PCDHA4: variants seen among roughly 807,000 people sequenced by gnomAD.
PCDHA4 encodes the protein protocadherin alpha 4, also known as protocadherin alpha-4.
In PCDHA4, 49 loss-of-function variants were observed where a neutral mutation model predicts 61.4. That is an observed-to-expected ratio of 0.80 (90% CI 0.63 to 1.01). PCDHA4 has a LOEUF of 1.01. Among genes scored for constraint, PCDHA4 ranks in the 50% least tolerant of loss-of-function variants. The pLI, the probability that PCDHA4 is intolerant of heterozygous loss-of-function variation, is 0.00. For synonymous variants in PCDHA4, 590 were observed against 550.3 expected (o/e 1.07, Z -1.01); for missense variants, 1,254 against 1,235.8 (o/e 1.01, Z -0.22).
intron 1 of PCDHA4, chr5:140,829,701 C>T: frequency 1.2e-6 from 2 of 1,613,356 alleles, no homozygotes; most frequent in South Asian, 1.1e-5. Flanking sequence ...CAGGTGAGCG[C>T]GCGCGACGCG....
At chr5:140,837,816 A>G (rs1775270589) in intron 1 of PCDHA4, among the ~76,000 whole-genome samples, 1 of 151,680 alleles carries the variant, frequency 6.6e-6, no homozygotes, top group Non-Finnish European at 1.5e-5. Flanking sequence ...AGCTGGGAAT[A>G]CAGTTTGCAT....
At position 141,010,091 on chromosome 5, in the gene PCDHA4, A is replaced by G; in HGVS notation, c.*154A>G. The G allele has an allele frequency of 6.2e-7, 1 of 1,612,860 alleles. No individual in the cohort carries two copies. The highest frequency in any genetic ancestry group is 8.5e-7 in the Non-Finnish European group (1 of 1,179,382). ...AGTTCCCTGTGTCTGTCTAGAACGCATTTAACAGGTTTTGTCGTAAAAGCT... is the reference window on the plus strand; with the variant it reads ...AGTTCCCTGTGTCTGTCTAGAACGCGTTTAACAGGTTTTGTCGTAAAAGCT... On this transcript the variant is annotated 3_prime_UTR_variant, in exon 4 of 4. Coordinates refer to ENST00000530339, the MANE Select transcript of PCDHA4 (RefSeq NM_018907.4).
At chr5:140,993,668 A>G (rs551356894) in intron 3 of PCDHA4, among the ~76,000 whole-genome samples, 167 of 152,322 alleles carry the variant, frequency 1.1e-3, no homozygotes, top group African/African-American at 3.4e-3. Context: ...ACAATGGACC[A>G]CATATGTGAC....
rs2150264358 is a variant in PCDHA4 at position 140,836,572 on chromosome 5, G to A, written c.2385+27000G>A. On this transcript the variant is annotated intron_variant, in intron 1 of 3. Transcript: ENST00000530339. ...CGGTGCTCAGCGCCGTCCTCTGAGG[G>A]CGCATGTAGTTTGGTAAAGCCCACT... is the stretch of plus-strand genomic sequence containing the variant. The A allele has an allele frequency of 1.9e-6, 3 of 1,613,740 alleles. No homozygotes were observed. The highest frequency in any genetic ancestry group is 4.5e-5 in the East Asian group (2 of 44,838).
intron 1 of PCDHA4, among the ~76,000 whole-genome samples, chr5:140,937,861 G>A (rs1159207693): frequency 6.6e-6 from 1 of 150,994 alleles, no homozygotes; most frequent in African/African-American, 2.4e-5. Context: ...GGAGTGAGCC[G>A]AGATCGCGCC....
intron 1 of PCDHA4, chr5:140,829,291 C>T (rs1224318047): frequency 9.3e-6 from 15 of 1,614,130 alleles, no homozygotes; most frequent in Middle Eastern, 1.6e-4. Context: ...TGGTGTCCAC[C>T]TTCAAGAATT....
At chr5:140,922,841 A>G (rs982832745) in intron 1 of PCDHA4, among the ~76,000 whole-genome samples, 67 of 152,372 alleles carry the variant, frequency 4.4e-4, no homozygotes, top group African/African-American at 1.5e-3. Flanking sequence ...GATGTCCTCA[A>G]AGAGACCAAA....
At chr5:140,875,921 C>T (rs782082764) in intron 1 of PCDHA4, 57 of 1,614,110 alleles carry the variant, frequency 3.5e-5, no homozygotes, top group Non-Finnish European at 4.8e-5. Context: ...CCTCTGGACT[C>T]TCATTTTCCT....
At chr5:140,995,687 G>C (rs983290111) in intron 3 of PCDHA4, among the ~76,000 whole-genome samples, 3 of 152,062 alleles carry the variant, frequency 2.0e-5, no homozygotes, top group Admixed American at 6.5e-5. Context: ...TTTTTTAATT[G>C]TTAAATAAAG....
intron 1 of PCDHA4, among the ~76,000 whole-genome samples, chr5:140,947,597 G>A (rs1231530518): frequency 1.3e-5 from 2 of 151,586 alleles, no homozygotes; most frequent in African/African-American, 4.8e-5. Context: ...TCAATTTAGG[G>A]AAGATTTGGT....
rs1383347742 is a variant in PCDHA4, at chr5:140,943,271, AAAAAAAG to A, written c.2386-35674_2386-35668del. ...AGACTCTGTCTCAAAAAAAAAAAAA[AAAAAAAG>A]AAAGAAAGAATTAAATTTTGGGAAG... On this transcript the variant is annotated intron_variant, in intron 1 of 3. Transcript: ENST00000530339. Among the ~76,000 whole-genome samples, 73 of 150,734 alleles carry A rather than the reference AAAAAAAG, an allele frequency of 4.8e-4. 1 individual carries two copies. The highest frequency in any genetic ancestry group is 1.6e-3 in the African/African-American group (65 of 40,848).
At chr5:140,850,455 C>T (rs2150484906) in intron 1 of PCDHA4, 1 of 1,597,620 alleles carries the variant, frequency 6.3e-7, no homozygotes, top group Admixed American at 1.7e-5. Context: ...GGTGAAAGAC[C>T]ACGGGGAGCC....
chr5:140,840,891 T>G (rs921088657), intron 1 of PCDHA4, among the ~76,000 whole-genome samples: 2 of 152,014 alleles, frequency 1.3e-5, no homozygotes, highest in Non-Finnish European at 2.9e-5. Flanking sequence ...CTGATATCCA[T>G]GACATACAGG....
At chr5:140,826,923 T>C (rs944702059) in intron 1 of PCDHA4, among the ~76,000 whole-genome samples, 3 of 152,076 alleles carry the variant, frequency 2.0e-5, no homozygotes, top group Non-Finnish European at 4.4e-5. Context: ...GAAAGACAGA[T>C]GGACTTAGGT....
chr5:140,809,279 G>A lies in PCDHA4; in HGVS notation c.2092G>A (p.Val698Ile). ...CGATGCTGCGCTGGTGGATGTCAAC[G>A]TATACCTGATCATTGCCATCTGCGC... ...GPDAALVDVN[V>I]YLIIAICAVS... The change falls in exon 1 of 4, where the codon GTA becomes ATA. Residue 698 changes from valine to isoleucine, a missense_variant. Coordinates refer to ENST00000530339, the MANE Select transcript of PCDHA4 (RefSeq NM_018907.4). 1 of 1,614,106 alleles carries A rather than the reference G, an allele frequency of 6.2e-7. No individual in the cohort carries two copies. The highest frequency in any genetic ancestry group is 1.1e-5 in the South Asian group (1 of 91,090).
intron 1 of PCDHA4, among the ~76,000 whole-genome samples, chr5:140,937,756 C>CA (rs2091723973): frequency 1.3e-5 from 2 of 151,360 alleles, no homozygotes; most frequent in African/African-American, 4.9e-5. Flanking sequence ...ACTAAAAATA[C>CA]AAAAAATTAG....
intron 1 of PCDHA4, among the ~76,000 whole-genome samples, chr5:140,961,681 G>A (rs911141843): frequency 3.9e-5 from 6 of 152,152 alleles, no homozygotes; most frequent in African/African-American, 9.7e-5. Context: ...TAATTAAGCC[G>A]GAGTAGTCCT....
chr5:141,002,234 C>G (rs2098067276), intron 3 of PCDHA4, among the ~76,000 whole-genome samples: 1 of 152,210 alleles, frequency 6.6e-6, no homozygotes, highest in Non-Finnish European at 1.5e-5. Context: ...TTTCTGGAAG[C>G]TCTTTATTAA....
intron 1 of PCDHA4, among the ~76,000 whole-genome samples, chr5:140,930,790 A>G (rs155822): frequency 0.047 from 7,177 of 152,302 alleles, 299 homozygotes; most frequent in African/African-American, 0.11. Context: ...ACAATATAAT[A>G]GAATCCAGCA....
Sources: gnomAD v4.1 joint callset for allele counts (sites outside exome capture counted in the v4.1 genomes callset) on GRCh38, gnomAD v4.1.1 for gene constraint, MANE v1.5 for transcripts, NCBI Gene and HGNC (gene_info 2026-07-23, HGNC 2026-07-21) for gene names.